Variants in MED31 observed in about 807,000 individuals in gnomAD.
MED31 encodes mediator complex subunit 31, also known as mediator of RNA polymerase II transcription subunit 31.
In MED31, 11 loss-of-function variants were observed where a neutral mutation model predicts 22.0. The observed-to-expected ratio is 0.50, with a 90% CI of 0.31 to 0.83. The LOEUF is 0.83. Ranked by LOEUF, MED31 falls within the 40% of genes least tolerant of loss-of-function variation. The pLI is 0.04. For missense variants in MED31, 122 were observed against 155.3 expected (o/e 0.79, Z 1.14); for synonymous variants, 60 against 55.1 (o/e 1.09, Z -0.40).
intron 3 of MED31, among the ~76,000 whole-genome samples, chr17:6,645,037 G>A (rs981713604): frequency 1.3e-5 from 2 of 152,072 alleles, no homozygotes; most frequent in African/African-American, 4.8e-5. Flanking sequence ...CCTTCAATAG[G>A]GATAAAAAGA....
chr17:6,651,118 C>T (rs149815748), intron 1 of MED31, among the ~76,000 whole-genome samples: 2 of 15,422 alleles, frequency 1.3e-4, no homozygotes, highest in South Asian at 1.4e-3. Context: ...CAGACGCTGT[C>T]TCAAAAAAAA....
chr17:6,651,237 T>A, intron 1 of MED31: 1 of 426,858 alleles, frequency 2.3e-6, no homozygotes, highest in Non-Finnish European at 4.2e-6. Flanking sequence ...AGGACACGGT[T>A]TAACACACAA....
At chr17:6,648,397 C>T (rs1216487419) in intron 3 of MED31, among the ~76,000 whole-genome samples, 1 of 152,180 alleles carries the variant, frequency 6.6e-6, no homozygotes, top group Non-Finnish European at 1.5e-5. Flanking sequence ...ATCAATGAAG[C>T]AGGCCAAGTG....
intron 3 of MED31, among the ~76,000 whole-genome samples, chr17:6,649,102 A>T (rs562071920): frequency 3.3e-5 from 5 of 150,508 alleles, no homozygotes; most frequent in Non-Finnish European, 7.4e-5. Flanking sequence ...ACTTTGAGAG[A>T]AGTTTGAAAC....
chr17:6,650,946 C>T (rs1328034034), intron 1 of MED31, among the ~76,000 whole-genome samples: 1 of 151,332 alleles, frequency 6.6e-6, no homozygotes, highest in Non-Finnish European at 1.5e-5. Context: ...AGTGAAACCC[C>T]GTCTCTACTA....
intron 3 of MED31, among the ~76,000 whole-genome samples, chr17:6,649,306 GTGTC>G (rs1451318906): frequency 6.6e-6 from 1 of 151,522 alleles, no homozygotes; most frequent in African/African-American, 2.4e-5. Flanking sequence ...TAACATGAAA[GTGTC>G]TGCTGAACGA....
intron 2 of MED31, 120 bp downstream of exon 2, chr17:6,650,236 A>G: frequency 8.0e-7 from 1 of 1,252,982 alleles, no homozygotes; most frequent in Non-Finnish European, 1.1e-6. Context: ...TCTATATACC[A>G]GCATAAGTGT....
At chr17:6,649,750 C>G in intron 3 of MED31, 1 of 344,536 alleles carries the variant, frequency 2.9e-6, no homozygotes. Flanking sequence ...AGCTGTTTTG[C>G]TTGGTTTGGG....
At chr17:6,648,839 G>A (rs1009548921) in intron 3 of MED31, among the ~76,000 whole-genome samples, 2 of 152,190 alleles carry the variant, frequency 1.3e-5, no homozygotes, top group African/African-American at 4.8e-5. Context: ...CGGGCTCAAT[G>A]GAAACCTCCA....
chr17:6,649,041 C>T (rs1456726355), intron 3 of MED31, among the ~76,000 whole-genome samples: 1 of 151,708 alleles, frequency 6.6e-6, no homozygotes, highest in Admixed American at 6.6e-5. Context: ...CTGCAGGCAA[C>T]ATAAGACGTA....
At chr17:6,651,202 G>T in intron 1 of MED31, 1 of 282,068 alleles carries the variant, frequency 3.5e-6, no homozygotes, top group Non-Finnish European at 6.7e-6. Flanking sequence ...GCAAGCTCAT[G>T]TGAGAAGCAG....
intron 1 of MED31, 38 bp downstream of exon 1, chr17:6,651,463 T>C (rs748612339): frequency 6.2e-7 from 1 of 1,613,706 alleles, no homozygotes; most frequent in Non-Finnish European, 8.5e-7. Context: ...CAAGGAGAGT[T>C]CCATCTGCGA....
At position 6,650,068 on chromosome 17, in the gene MED31, T is replaced by C. The variant is rs1156733105; in HGVS notation, c.117A>G (p.Gln39=). 5 of 1,594,100 alleles carry C rather than the reference T, an allele frequency of 3.1e-6. No individual in the cohort carries two copies. The highest frequency in any genetic ancestry group is 2.7e-5 in the African/African-American group (2 of 73,262). ...ANPNYLNFLA[Q]RGYFKDKAFV... ...AAGCTTTGTCTTTGAAGTAACCTCT[T>C]TGGGCAAGAACTGAAAAGCATTAAA... is the stretch of plus-strand genomic sequence containing the variant. Residue 39 remains glutamine, a synonymous_variant, in exon 3 of 4, where the codon CAA becomes CAG. Coordinates refer to ENST00000225728, the MANE Select transcript of MED31 (RefSeq NM_016060.3).
At chr17:6,645,611 C>G (rs566347606) in intron 3 of MED31, among the ~76,000 whole-genome samples, 1 of 152,318 alleles carries the variant, frequency 6.6e-6, no homozygotes, top group East Asian at 1.9e-4. Flanking sequence ...ATGGCCAAAT[C>G]TGGAATACTT....
intron 3 of MED31, among the ~76,000 whole-genome samples, chr17:6,648,013 AAAG>A (rs1427588609): frequency 1.3e-5 from 2 of 152,258 alleles, no homozygotes. Flanking sequence ...GTGTTTTTAA[AAAG>A]AAACAACATA....
At chr17:6,645,319 GTA>G (rs1383390240) in intron 3 of MED31, among the ~76,000 whole-genome samples, 1 of 152,154 alleles carries the variant, frequency 6.6e-6, no homozygotes, top group Admixed American at 6.5e-5. Flanking sequence ...GAATAAACAT[GTA>G]TATGTGTGTG....
chr17:6,648,596 A>G (rs1250120619), intron 3 of MED31, among the ~76,000 whole-genome samples: 2 of 152,236 alleles, frequency 1.3e-5, no homozygotes, highest in Non-Finnish European at 2.9e-5. Flanking sequence ...AAGTATTAAA[A>G]AAACTAAAAT....
In MED31 at chr17:6,646,800, G is replaced by A. The variant is rs1327295732; in HGVS notation, c.204-2141C>T. On this transcript the variant is annotated intron_variant, in intron 3 of 3. Coordinates refer to ENST00000225728, the MANE Select transcript of MED31 (RefSeq NM_016060.3). The stretch of plus-strand genomic sequence containing the variant: ...ATCCCCCAGCCCGACACCTGTAAAG[G>A]GTCTGTGCTGAGGAGGAGTAGTGAA... Among the ~76,000 whole-genome samples, 4 of 152,164 alleles carry A rather than the reference G, an allele frequency of 2.6e-5. No individual in the cohort carries two copies. The East Asian group carries it at 7.7e-4, about 29-fold the overall frequency.
Position 6,644,078 on chromosome 17 carries a change from A to G in MED31, c.*389T>C. ...AGAGTGGTAGAGTAGTTGATCTGAG[A>G]CAGTAAGGTTCCAGGAGATGGTCTT... On this transcript the variant is annotated 3_prime_UTR_variant, in exon 4 of 4. Transcript: ENST00000225728. 1 of 407,766 alleles carries G rather than the reference A, an allele frequency of 2.5e-6. No individual in the cohort carries two copies. Among genetic ancestry groups the G allele is most frequent in the Non-Finnish European group, 4.3e-6 (1 of 231,128 alleles). The allele number at this position is 407,766 out of a possible 1,614,324, so 25.3% of individuals were successfully genotyped here.
Sources: allele counts gnomAD v4.1 joint callset (sites outside exome capture counted in the v4.1 genomes callset), GRCh38; gene constraint gnomAD v4.1.1; transcripts MANE v1.5; gene names NCBI Gene and HGNC (gene_info 2026-07-23, HGNC 2026-07-21).